Variants in ADGRF4 observed in about 807,000 individuals in gnomAD.
ADGRF4 encodes the protein G-protein coupled receptor PGR18.
In ADGRF4, 63 loss-of-function variants were observed where a neutral mutation model predicts 58.5. That is an observed-to-expected ratio of 1.08 (90% CI 0.88 to 1.33). ADGRF4 has a LOEUF of 1.33. Ranked by LOEUF, ADGRF4 falls within the 40% of genes most tolerant of loss-of-function variation. ADGRF4 has a pLI of 0.00. For missense variants in ADGRF4, 931 were observed against 843.9 expected (o/e 1.10, Z -1.28); for synonymous variants, 313 against 295.4 (o/e 1.06, Z -0.61).
chr6:47,702,015 A>G (rs142893979), intron 1 of ADGRF4, among the ~76,000 whole-genome samples: 293 of 151,946 alleles, frequency 1.9e-3, no homozygotes, highest in African/African-American at 6.4e-3. Flanking sequence ...ATTTTTTTGT[A>G]TTTAGTAGAG....
rs1457342764 is a variant in ADGRF4, at chr6:47,713,822, A to G, written c.577A>G (p.Ile193Val). 7 of 1,566,914 alleles carry G rather than the reference A, an allele frequency of 4.5e-6. No individual in the cohort carries two copies. The highest frequency in any genetic ancestry group is 1.2e-5 in the South Asian group (1 of 81,510). Residue 193 changes from isoleucine to valine, a missense_variant, in exon 6 of 10, where the codon ATC becomes GTC. Transcript: ENST00000283303. ...MKSYSEVANH[I>V]LDTAAISNWA... ...GAGCTATAGTGAAGTGGCCAACCACATCCTCGACACAGCAGCCATTTCAAA... is the reference window on the plus strand; with the variant it reads ...GAGCTATAGTGAAGTGGCCAACCACGTCCTCGACACAGCAGCCATTTCAAA...
intron 3 of ADGRF4, among the ~76,000 whole-genome samples, chr6:47,708,725 G>A (rs1168470330): frequency 1.3e-5 from 2 of 152,230 alleles, no homozygotes; most frequent in Non-Finnish European, 2.9e-5. Context: ...GAAGTGAGAA[G>A]TAAACTAAGG....
intron 1 of ADGRF4, among the ~76,000 whole-genome samples, chr6:47,699,200 T>C (rs879485406): frequency 6.6e-6 from 1 of 152,238 alleles, no homozygotes; most frequent in Non-Finnish European, 1.5e-5. Context: ...CTGAAAAAGC[T>C]ATCATTGTAT....
intron 8 of ADGRF4, 111 bp from the exon 9 acceptor site, chr6:47,718,278 G>T: frequency 1.4e-6 from 1 of 737,694 alleles, no homozygotes. Context: ...CTATATCAGT[G>T]TGGGTACTCC....
chr6:47,715,232 T>A, intron 6 of ADGRF4, 55 bp downstream of exon 6: 1 of 1,260,168 alleles, frequency 7.9e-7, no homozygotes, highest in Non-Finnish European at 1.1e-6. Context: ...CACAAAAAAA[T>A]GGCTATGATT....
intron 4 of ADGRF4, among the ~76,000 whole-genome samples, chr6:47,711,795 G>A (rs1771878689): frequency 6.6e-6 from 1 of 152,130 alleles, no homozygotes; most frequent in African/African-American, 2.4e-5. Flanking sequence ...GATTGCAGCT[G>A]GCTTCTCTGT....
intron 1 of ADGRF4, among the ~76,000 whole-genome samples, chr6:47,702,927 T>C (rs1362957412): frequency 1.3e-5 from 2 of 152,362 alleles, no homozygotes; most frequent in East Asian, 3.9e-4. Context: ...CTGGGTGAGT[T>C]AGCCCCCATC....
rs759526785 is a variant in ADGRF4 at position 47,708,200 on chromosome 6, C to T, written c.94-24C>T. ...GAGCAGAGTCCCACAGTAAAGAGGACCATTGGGAATTTATATTTTTCAGGC... is the reference window on the plus strand; with the variant it reads ...GAGCAGAGTCCCACAGTAAAGAGGATCATTGGGAATTTATATTTTTCAGGC... On this transcript the variant is annotated intron_variant, in intron 2 of 9. Coordinates refer to ENST00000283303, the MANE Select transcript of ADGRF4 (RefSeq NM_153838.5). 9 of 1,589,046 alleles carry T rather than the reference C, an allele frequency of 5.7e-6. 1 individual carries two copies. In the South Asian group the frequency reaches 7.7e-5, roughly 14 times the overall value.
chr6:47,719,987 C>G lies in ADGRF4; in HGVS notation c.*4-1222C>G, dbSNP rs79069629. On this transcript the variant is annotated intron_variant, in intron 9 of 9. Transcript: ENST00000283303. ...CTGGATTCTTTTAGCATATCCCTTG[C>G]AAGTGGCTCTGTGCCTATTGAATTT... is the stretch of plus-strand genomic sequence containing the variant. Among the ~76,000 whole-genome samples the G allele has an allele frequency of 4.3e-3, 661 of 152,304 alleles. 3 individuals are homozygous for G. The highest frequency in any genetic ancestry group is 0.014 in the African/African-American group (576 of 41,544).
chr6:47,715,626 C>T (rs1771995931), intron 6 of ADGRF4: 1 of 155,430 alleles, frequency 6.4e-6, no homozygotes, highest in Non-Finnish European at 1.4e-5. Context: ...GTTCTCATAC[C>T]TCTTTCCTGC....
intron 9 of ADGRF4, among the ~76,000 whole-genome samples, chr6:47,719,424 G>A (rs9381603): frequency 0.57 from 86,875 of 151,912 alleles, 25,668 homozygotes; most frequent in Middle Eastern, 0.7. Flanking sequence ...CTCCTATTTG[G>A]AATTTTATAG....
chr6:47,719,747 T>C (rs1772112621), intron 9 of ADGRF4, among the ~76,000 whole-genome samples: 1 of 152,122 alleles, frequency 6.6e-6, no homozygotes, highest in Non-Finnish European at 1.5e-5. Context: ...AGGTTGGCTG[T>C]AGTCTAAGTT....
intron 1 of ADGRF4, among the ~76,000 whole-genome samples, chr6:47,704,198 C>A (rs555710655): frequency 6.3e-4 from 96 of 152,148 alleles, no homozygotes; most frequent in Middle Eastern, 3.4e-3. Flanking sequence ...TGCCCACCAC[C>A]ATGCCTCGCT....
rs1161928158 is a variant in ADGRF4 at position 47,714,074 on chromosome 6, A to T, written c.829A>T (p.Arg277Trp). 3.1e-6 allele frequency: 5 copies of T among 1,614,056 alleles called. No homozygotes were observed. The highest frequency in any genetic ancestry group is 4.2e-6 in the Non-Finnish European group (5 of 1,180,012). Residue 277 changes from arginine (R) to tryptophan (W), a missense_variant, in exon 6 of 10, where the codon AGG (arginine) becomes TGG (tryptophan). Coordinates refer to ENST00000283303, the MANE Select transcript of ADGRF4 (RefSeq NM_153838.5). ...EDILGMVQIP[R>W]QELRKLWPNA... ...TATCTTAGGAATGGTACAGATTCCC[A>T]GGCAAGAGCTAAGGAAGCTGTGGCC...
intron 1 of ADGRF4, among the ~76,000 whole-genome samples, chr6:47,699,562 A>G (rs1365861897): frequency 1.3e-5 from 2 of 152,248 alleles, no homozygotes; most frequent in Non-Finnish European, 2.9e-5. Context: ...GAAACCTATC[A>G]GAATCTGAAT....
At chr6:47,699,384 T>A (rs1278313101) in intron 1 of ADGRF4, among the ~76,000 whole-genome samples, 1 of 152,248 alleles carries the variant, frequency 6.6e-6, no homozygotes, top group Non-Finnish European at 1.5e-5. Context: ...TTTGTTTGTT[T>A]GTTTGTTTTT....
At chr6:47,715,781 T>C (rs983808955) in intron 6 of ADGRF4, among the ~76,000 whole-genome samples, 1 of 152,216 alleles carries the variant, frequency 6.6e-6, no homozygotes, top group Non-Finnish European at 1.5e-5. Context: ...TTTTAAATAA[T>C]GTAACTAAAC....
Position 47,712,624 on chromosome 6 carries a change from C to A in ADGRF4, c.552+16C>A, listed in dbSNP as rs747432515. 32 of 1,552,268 alleles carry A rather than the reference C, an allele frequency of 2.1e-5. No homozygotes were observed. Among genetic ancestry groups the A allele is most frequent in the Middle Eastern group, 1.8e-4 (1 of 5,700 alleles). On this transcript the variant is annotated intron_variant, in intron 5 of 9. Coordinates refer to ENST00000283303, the MANE Select transcript of ADGRF4 (RefSeq NM_153838.5). ...GAAAATGAAGGTATTCTTTGTTAAT[C>A]ATTTAAAAATGATGTTTTTCTTAAA...
At chr6:47,712,284 C>A in intron 4 of ADGRF4, 73 bp from the exon 5 acceptor site, 1 of 1,474,094 alleles carries the variant, frequency 6.8e-7, no homozygotes, top group East Asian at 2.3e-5. Context: ...GTAGATTGTG[C>A]TTTAACTCCT....
Sources: gnomAD v4.1 joint callset for allele counts (sites outside exome capture counted in the v4.1 genomes callset) on GRCh38, gnomAD v4.1.1 for gene constraint, MANE v1.5 for transcripts, NCBI Gene and HGNC (gene_info 2026-07-23, HGNC 2026-07-21) for gene names.